CADPS: variants seen among roughly 807,000 people sequenced by gnomAD.
CADPS encodes calcium dependent secretion activator, also known as calcium-dependent secretion activator 1.
In CADPS, 57 loss-of-function variants were observed where a neutral mutation model predicts 167.3. That is an observed-to-expected ratio of 0.34 (90% CI 0.28 to 0.42). The LOEUF (loss-of-function observed/expected upper bound fraction) is 0.42. Ranked by LOEUF, CADPS falls within the 20% of genes least tolerant of loss-of-function variation. The probability of loss-of-function intolerance (pLI) is 1.00; values close to 1 mark genes in which losing one functional copy is unlikely to be tolerated. For synonymous variants in CADPS, 676 were observed against 635.3 expected (o/e 1.06, Z -0.96); for missense variants, 1,414 against 1,738.1 (o/e 0.81, Z 3.32).
chr3:62,688,821 A>G (rs2078565693), intron 3 of CADPS, among the ~76,000 whole-genome samples: 1 of 151,966 alleles, frequency 6.6e-6, no homozygotes, highest in Admixed American at 6.6e-5. Context: ...ATGGATCATA[A>G]AGCCCTCAGA....
At chr3:62,476,334 C>T (rs931120315) in intron 23 of CADPS, among the ~76,000 whole-genome samples, 1 of 152,148 alleles carries the variant, frequency 6.6e-6, no homozygotes, top group Non-Finnish European at 1.5e-5. Flanking sequence ...TTCAAAAACT[C>T]GTCCATGCTC....
intron 3 of CADPS, among the ~76,000 whole-genome samples, chr3:62,747,232 T>C (rs1314407621): frequency 1.3e-5 from 2 of 152,256 alleles, no homozygotes; most frequent in Admixed American, 1.3e-4. Flanking sequence ...TTAAAACATT[T>C]CTTCTGTAGA....
chr3:62,739,045 C>T (rs1161451800), intron 3 of CADPS, among the ~76,000 whole-genome samples: 2 of 152,216 alleles, frequency 1.3e-5, no homozygotes, highest in African/African-American at 2.4e-5. Flanking sequence ...ATTTATAGCT[C>T]CTCCCATCAA....
At chr3:62,811,061 G>A (rs1195578853) in intron 1 of CADPS, among the ~76,000 whole-genome samples, 4 of 152,182 alleles carry the variant, frequency 2.6e-5, no homozygotes, top group Non-Finnish European at 4.4e-5. Flanking sequence ...ACTGGGACCC[G>A]TGGTTCTTAG....
rs2063670444 is a variant in CADPS, at chr3:62,491,432, G to A, written c.2933C>T (p.Ala978Val). The A allele has an allele frequency of 1.9e-6, 3 of 1,614,006 alleles. No individual in the cohort carries two copies. Among genetic ancestry groups the A allele is most frequent in the Non-Finnish European group, 2.5e-6 (3 of 1,179,922 alleles). Residue 978 changes from alanine to valine, a missense_variant, in exon 21 of 30, where the codon GCC becomes GTC. This residue lies in a region of CADPS where 529 missense variants were observed against 629.6 expected (regional missense o/e 0.84). Transcript: ENST00000383710. ...ATCCACATATCTAACAACAAGTGGGGCAAACAGGTCTTGCAGGTGTTTGTG... is the reference window on the plus strand; with the variant it reads ...ATCCACATATCTAACAACAAGTGGGACAAACAGGTCTTGCAGGTGTTTGTG... ...KFHKHLQDLF[A>V]PLVVRYVDLM...
chr3:62,575,211 A>G (rs2082040697), intron 8 of CADPS, among the ~76,000 whole-genome samples: 1 of 152,280 alleles, frequency 6.6e-6, no homozygotes, highest in Non-Finnish European at 1.5e-5. Context: ...CATAGAACCC[A>G]TAGAGTGTAA....
intron 1 of CADPS, among the ~76,000 whole-genome samples, chr3:62,789,513 C>T (rs1047425777): frequency 6.6e-6 from 1 of 152,144 alleles, no homozygotes; most frequent in Non-Finnish European, 1.5e-5. Flanking sequence ...TTTGCTCAGG[C>T]TACTTTGCCC....
chr3:62,817,806 CA>C (rs1334207213), intron 1 of CADPS, among the ~76,000 whole-genome samples: 1 of 152,130 alleles, frequency 6.6e-6, no homozygotes, highest in Non-Finnish European at 1.5e-5. Context: ...AACATTAACA[CA>C]AGGTTCAAGT....
chr3:62,860,227 A>G (rs1577476468), intron 1 of CADPS, among the ~76,000 whole-genome samples: 1 of 152,180 alleles, frequency 6.6e-6, no homozygotes, highest in African/African-American at 2.4e-5. Flanking sequence ...CTCCTCCAGG[A>G]AGCAGGCTGT....
chr3:62,728,023 A>G (rs1318211302), intron 3 of CADPS, among the ~76,000 whole-genome samples: 2 of 151,874 alleles, frequency 1.3e-5, no homozygotes, highest in Non-Finnish European at 2.9e-5. Flanking sequence ...GATTATGTTT[A>G]TAACTCTACA....
intron 13 of CADPS, among the ~76,000 whole-genome samples, chr3:62,531,131 G>A (rs1337297717): frequency 6.6e-6 from 1 of 152,100 alleles, no homozygotes; most frequent in Non-Finnish European, 1.5e-5. Context: ...TTACCAGGGA[G>A]TTTACAAAAA....
chr3:62,563,608 T>C lies in CADPS; in HGVS notation c.1645-6095A>G, dbSNP rs141044858. ...TCAGTTACATGAGTAAGTTCTTTAG[T>C]GGTGATTTATGAGATTTTGGTGAAC... On this transcript the variant is annotated intron_variant, in intron 9 of 29. Coordinates refer to ENST00000383710, the MANE Select transcript of CADPS (RefSeq NM_003716.4). Among the ~76,000 whole-genome samples, 33 of 152,322 alleles carry C rather than the reference T, an allele frequency of 2.2e-4. 2 individuals are homozygous for C. In the East Asian group the frequency reaches 5.0e-3, roughly 23 times the overall value.
chr3:62,869,115 T>G (rs2082195474), intron 1 of CADPS, among the ~76,000 whole-genome samples: 1 of 152,140 alleles, frequency 6.6e-6, no homozygotes, highest in Non-Finnish European at 1.5e-5. Context: ...AAATCCAAAG[T>G]GCTTCAATGA....
intron 6 of CADPS, among the ~76,000 whole-genome samples, chr3:62,606,502 G>C (rs2060713899): frequency 6.6e-6 from 1 of 152,174 alleles, no homozygotes. Flanking sequence ...ACCAGCAAAA[G>C]TCCCTCACCA....
chr3:62,669,214 A>C (rs1391309211), intron 3 of CADPS, among the ~76,000 whole-genome samples: 1 of 152,114 alleles, frequency 6.6e-6, no homozygotes, highest in Non-Finnish European at 1.5e-5. Flanking sequence ...TTAGTGTCTG[A>C]GATGGAGGCT....
intron 13 of CADPS, among the ~76,000 whole-genome samples, chr3:62,529,682 G>T (rs541076353): frequency 6.6e-6 from 1 of 152,176 alleles, no homozygotes; most frequent in East Asian, 1.9e-4. Context: ...CGCATATACT[G>T]ATTGACAGCC....
chr3:62,709,590 T>C (rs922440278), intron 3 of CADPS, among the ~76,000 whole-genome samples: 2 of 152,042 alleles, frequency 1.3e-5, no homozygotes, highest in Non-Finnish European at 2.9e-5. Context: ...GTTAGGCATA[T>C]GCCCGACCTA....
chr3:62,481,718 C>T lies in CADPS; in HGVS notation c.3173+5G>A. 6.3e-7 allele frequency: 1 copy of T among 1,589,858 alleles called. No individual in the cohort carries two copies. The highest frequency in any genetic ancestry group is 8.5e-7 in the Non-Finnish European group (1 of 1,172,740). ...AATGAGATCTAATGTGAACTGAATA[C>T]ACACTCCGCATCATATATAGCAGCC... On this transcript the variant is annotated splice_donor_5th_base_variant and intron_variant, in intron 22 of 29. Coordinates refer to ENST00000383710, the MANE Select transcript of CADPS (RefSeq NM_003716.4).
intron 27 of CADPS, chr3:62,441,278 C>G (rs1164071627): frequency 6.6e-6 from 1 of 152,142 alleles, no homozygotes; most frequent in East Asian, 1.9e-4. Context: ...AACACTTAAA[C>G]AAATATCTGT....
Sources: gnomAD v4.1 joint callset for allele counts (sites outside exome capture counted in the v4.1 genomes callset) on GRCh38, gnomAD v4.1.1 for gene constraint, gnomAD v4.1.1 regional missense constraint, MANE v1.5 for transcripts, NCBI Gene and HGNC (gene_info 2026-07-23, HGNC 2026-07-21) for gene names.